The following EDNRA variants were observed in gnomAD, a reference collection of about 807,000 sequenced individuals.
The protein encoded by EDNRA is endothelin receptor type A.
In EDNRA, 11 loss-of-function variants were observed where a neutral mutation model predicts 41.4. That is an observed-to-expected ratio of 0.27 (90% CI 0.17 to 0.44). The LOEUF (loss-of-function observed/expected upper bound fraction) is 0.44, where lower values mean the gene tolerates loss of function less well. Ranked by LOEUF, EDNRA falls within the 20% of genes least tolerant of loss-of-function variation. The pLI is 1.00. For synonymous variants in EDNRA, 172 were observed against 183.0 expected (o/e 0.94, Z 0.49); for missense variants, 294 against 531.0 (o/e 0.55, Z 4.39).
At position 147,505,425 on chromosome 4, in the gene EDNRA, C is replaced by T. The variant is rs538159442; in HGVS notation, c.421-14426C>T. The stretch of plus-strand genomic sequence containing the variant: ...CATGATCTAAGCTCACTGCAACCTC[C>T]GCCTCCCAGGTTCAAGCAAGTCTCT... On this transcript the variant is annotated intron_variant, in intron 2 of 7. Coordinates refer to ENST00000651419, the MANE Select transcript of EDNRA (RefSeq NM_001957.4). Among the ~76,000 whole-genome samples, 92 of 145,860 alleles carry T rather than the reference C, an allele frequency of 6.3e-4. 1 individual carries two copies. The highest frequency in any genetic ancestry group is 2.2e-3 in the African/African-American group (85 of 39,268).
At chr4:147,539,459 T>C (rs1196844183) in intron 5 of EDNRA, among the ~76,000 whole-genome samples, 1 of 151,108 alleles carries the variant, frequency 6.6e-6, no homozygotes, top group Non-Finnish European at 1.5e-5. Context: ...TCCACCCCAC[T>C]ACACACACAC....
chr4:147,523,474 G>C (rs1288602540), intron 3 of EDNRA, among the ~76,000 whole-genome samples: 1 of 103,208 alleles, frequency 9.7e-6, no homozygotes, highest in Non-Finnish European at 1.9e-5. Context: ...TTTTTTTGTT[G>C]TTGTTGTTTT....
Position 147,540,265 on chromosome 4 carries a change from C to T in EDNRA, c.1035-112C>T, listed in dbSNP as rs1484344668. ...TTTTTACAAAATTCTAACTGCCACC[C>T]ATACGAAATGGCTTCTGGGCAAGAA... On this transcript the variant is annotated intron_variant, in intron 6 of 7. Transcript: ENST00000651419. 9.0e-6 allele frequency: 8 copies of T among 889,616 alleles called. No individual in the cohort carries two copies. The South Asian group carries it at 1.5e-4, about 16-fold the overall frequency. 55.1% of individuals were successfully genotyped at this position (889,616 alleles called of 1,614,324 possible). A position where few individuals can be genotyped will look rare whatever the true frequency, so the allele number is the denominator to read the frequency against.
rs546951079 is a variant in EDNRA, at chr4:147,496,542, G to C, written c.420+10441G>C. Among the ~76,000 whole-genome samples, 17 of 152,296 alleles carry C rather than the reference G, an allele frequency of 1.1e-4. No homozygotes were observed. In the East Asian group the frequency reaches 3.1e-3, roughly 28 times the overall value. Reference sequence around the variant, plus strand: ...CACAAAATGAACACATGTGTAACCAGGATCAACAAAGAGAGCATTATCAGC... The same window carrying C: ...CACAAAATGAACACATGTGTAACCACGATCAACAAAGAGAGCATTATCAGC... On this transcript the variant is annotated intron_variant, in intron 2 of 7. Coordinates refer to ENST00000651419, the MANE Select transcript of EDNRA (RefSeq NM_001957.4).
chr4:147,482,218 G>A (rs1453334287), intron 1 of EDNRA, among the ~76,000 whole-genome samples: 1 of 152,198 alleles, frequency 6.6e-6, no homozygotes, highest in Non-Finnish European at 1.5e-5. Flanking sequence ...GTCATTTCAT[G>A]TAAATTGAAT....
At chr4:147,526,993 A>G (rs1374652589) in intron 3 of EDNRA, among the ~76,000 whole-genome samples, 3 of 152,244 alleles carry the variant, frequency 2.0e-5, no homozygotes, top group Non-Finnish European at 4.4e-5. Context: ...CCAAACCTCC[A>G]TATGGTATGA....
At chr4:147,511,191 C>T (rs757744377) in intron 2 of EDNRA, among the ~76,000 whole-genome samples, 4 of 152,166 alleles carry the variant, frequency 2.6e-5, no homozygotes, top group Non-Finnish European at 5.9e-5. Context: ...GCTTCTAAAA[C>T]TTTATAGTGA....
intron 3 of EDNRA, among the ~76,000 whole-genome samples, chr4:147,530,721 T>G (rs947815616): frequency 6.6e-6 from 1 of 152,182 alleles, no homozygotes; most frequent in African/African-American, 2.4e-5. Flanking sequence ...ACAGATGTAC[T>G]GTGTAAATGT....
chr4:147,515,911 G>C (rs1245401483), intron 2 of EDNRA, among the ~76,000 whole-genome samples: 1 of 152,160 alleles, frequency 6.6e-6, no homozygotes, highest in Non-Finnish European at 1.5e-5. Flanking sequence ...GTTAAAACAT[G>C]CAGCTTGTCA....
chr4:147,490,163 AC>A (rs1417255190), intron 2 of EDNRA: 4 of 151,752 alleles, frequency 2.6e-5, no homozygotes, highest in African/African-American at 9.7e-5. Flanking sequence ...ACACACACAC[AC>A]ACACACACAC....
chr4:147,536,703 A>T (rs1730934140), intron 5 of EDNRA, among the ~76,000 whole-genome samples: 1 of 152,232 alleles, frequency 6.6e-6, no homozygotes, highest in South Asian at 2.1e-4. Context: ...AAATGGGATC[A>T]TGTACATTAG....
intron 2 of EDNRA, among the ~76,000 whole-genome samples, chr4:147,514,743 G>A (rs1730052243): frequency 6.6e-6 from 1 of 152,096 alleles, no homozygotes; most frequent in African/African-American, 2.4e-5. Flanking sequence ...CAAAGTGCAG[G>A]GATTACAGGT....
At chr4:147,485,048 C>T (rs1211136268) in intron 1 of EDNRA, among the ~76,000 whole-genome samples, 1 of 152,178 alleles carries the variant, frequency 6.6e-6, no homozygotes, top group Non-Finnish European at 1.5e-5. Context: ...TTTTATGCCT[C>T]AATACCCTGT....
intron 5 of EDNRA, among the ~76,000 whole-genome samples, chr4:147,537,075 C>G (rs1284995805): frequency 6.6e-6 from 1 of 152,072 alleles, no homozygotes; most frequent in African/African-American, 2.4e-5. Context: ...TAATGGTGGC[C>G]AACTACACCA....
intron 2 of EDNRA, among the ~76,000 whole-genome samples, chr4:147,508,120 CA>C (rs1729786566): frequency 6.6e-6 from 1 of 151,886 alleles, no homozygotes; most frequent in African/African-American, 2.4e-5. Context: ...TTTTGAAGAG[CA>C]AAAATTCTTT....
chr4:147,503,975 T>C (rs1729602149), intron 2 of EDNRA, among the ~76,000 whole-genome samples: 1 of 152,128 alleles, frequency 6.6e-6, no homozygotes, highest in Non-Finnish European at 1.5e-5. Flanking sequence ...AACAAAAAAA[T>C]TATTTAGTGC....
intron 2 of EDNRA, among the ~76,000 whole-genome samples, chr4:147,507,197 G>A (rs907840937): frequency 2.1e-5 from 3 of 145,824 alleles, no homozygotes; most frequent in African/African-American, 8.3e-5. Flanking sequence ...AAAAGCCAAA[G>A]TTCCTTATTT....
chr4:147,505,328 T>A (rs1729662738), intron 2 of EDNRA, among the ~76,000 whole-genome samples: 1 of 47,832 alleles, frequency 2.1e-5, no homozygotes, highest in African/African-American at 2.3e-4. Flanking sequence ...TCTTTTTTCA[T>A]TTTTTTTTTT....
At chr4:147,491,680 A>G (rs1729142946) in intron 2 of EDNRA, 1 of 152,202 alleles carries the variant, frequency 6.6e-6, no homozygotes, top group African/African-American at 2.4e-5. Flanking sequence ...AACTTAGTCA[A>G]GTTACCCACC....
Sources: allele counts gnomAD v4.1 joint callset (sites outside exome capture counted in the v4.1 genomes callset), GRCh38; gene constraint gnomAD v4.1.1; transcripts MANE v1.5; gene names NCBI Gene and HGNC (gene_info 2026-07-23, HGNC 2026-07-21).